SRPK2: variants seen among roughly 807,000 people sequenced by gnomAD.
The protein encoded by SRPK2 is SFRS protein kinase 2.
SRPK2 carries 21 observed loss-of-function variants against 90.8 expected under a neutral mutation model. That is an observed-to-expected ratio of 0.23 (90% CI 0.16 to 0.33). The LOEUF (loss-of-function observed/expected upper bound fraction) is 0.33. SRPK2 is among the 10% of genes least tolerant of loss of function. The pLI is 1.00. For synonymous variants in SRPK2, 288 were observed against 311.1 expected (o/e 0.93, Z 0.78); for missense variants, 620 against 869.0 (o/e 0.71, Z 3.60).
At chr7:105,119,807 A>G (rs1800067885) in intron 15 of SRPK2, among the ~76,000 whole-genome samples, 1 of 152,232 alleles carries the variant, frequency 6.6e-6, no homozygotes, top group Non-Finnish European at 1.5e-5. Context: ...ATTCATGCCT[A>G]ATATATGCTG....
chr7:105,376,159 A>C (rs1820271759), intron 2 of SRPK2, among the ~76,000 whole-genome samples: 1 of 151,234 alleles, frequency 6.6e-6, no homozygotes, highest in African/African-American at 2.4e-5. Context: ...CACACCCAGC[A>C]AATTTTTTGT....
chr7:105,385,212 G>A (rs1821416708), intron 2 of SRPK2, among the ~76,000 whole-genome samples: 2 of 108,946 alleles, frequency 1.8e-5, no homozygotes, highest in South Asian at 6.2e-4. Context: ...ATGGAGTCTC[G>A]CTCTGTCGCC....
intron 2 of SRPK2, among the ~76,000 whole-genome samples, chr7:105,251,029 G>A (rs1021701693): frequency 2.0e-5 from 3 of 152,126 alleles, no homozygotes; most frequent in African/African-American, 7.2e-5. Flanking sequence ...TGGCAGTGGA[G>A]GAATGAAATG....
chr7:105,291,103 A>G (rs955818078), intron 2 of SRPK2, among the ~76,000 whole-genome samples: 1 of 151,072 alleles, frequency 6.6e-6, no homozygotes, highest in African/African-American at 2.4e-5. Context: ...AAAAAATGGC[A>G]CATCCAAAGC....
chr7:105,244,560 C>G (rs1279237622), intron 2 of SRPK2: 5 of 576,742 alleles, frequency 8.7e-6, no homozygotes, highest in Non-Finnish European at 1.6e-5. Flanking sequence ...GGCGACAGAA[C>G]GAGACTCCGT....
chr7:105,171,920 C>T (rs1284607736), intron 3 of SRPK2, among the ~76,000 whole-genome samples: 1 of 151,818 alleles, frequency 6.6e-6, no homozygotes, highest in African/African-American at 2.4e-5. Flanking sequence ...TTTTTTGAGA[C>T]CGAGTTTCGC....
chr7:105,330,814 C>G (rs1046725535), intron 2 of SRPK2, among the ~76,000 whole-genome samples: 1 of 151,546 alleles, frequency 6.6e-6, no homozygotes, highest in African/African-American at 2.4e-5. Flanking sequence ...ACACCTGTCT[C>G]TATTTAAAAA....
chr7:105,291,262 G>A (rs1808977129), intron 2 of SRPK2, among the ~76,000 whole-genome samples: 1 of 152,186 alleles, frequency 6.6e-6, no homozygotes, highest in Non-Finnish European at 1.5e-5. Context: ...TCACTTTTAA[G>A]TAGGGCAGAA....
intron 2 of SRPK2, chr7:105,298,637 G>C (rs751801290): frequency 5.1e-5 from 40 of 787,946 alleles, no homozygotes; most frequent in Middle Eastern, 6.6e-4. Flanking sequence ...GCAAACAAAA[G>C]TATCAAATAA....
chr7:105,135,834 G>A (rs950697482), intron 11 of SRPK2, among the ~76,000 whole-genome samples: 5 of 150,322 alleles, frequency 3.3e-5, no homozygotes, highest in African/African-American at 7.4e-5. Context: ...GCGCGATCTC[G>A]GCTCACTGCA....
chr7:105,278,778 G>T (rs1806870762), intron 2 of SRPK2, among the ~76,000 whole-genome samples: 1 of 151,754 alleles, frequency 6.6e-6, no homozygotes, highest in African/African-American at 2.4e-5. Context: ...GGGGAAAGGA[G>T]AAAGGGGAAG....
At chr7:105,360,448 T>C (rs1055169765) in intron 2 of SRPK2, among the ~76,000 whole-genome samples, 3 of 152,246 alleles carry the variant, frequency 2.0e-5, no homozygotes, top group South Asian at 2.1e-4. Context: ...TGCCCATTAG[T>C]TGATGCAGTT....
At chr7:105,159,472 AAC>A (rs1554428515) in intron 7 of SRPK2, among the ~76,000 whole-genome samples, 2 of 149,632 alleles carry the variant, frequency 1.3e-5, no homozygotes, top group African/African-American at 4.9e-5. Flanking sequence ...AAAAAAAAAA[AAC>A]CGTACAAAAG....
intron 2 of SRPK2, among the ~76,000 whole-genome samples, chr7:105,385,292 C>A (rs899125550): frequency 4.3e-5 from 6 of 140,168 alleles, no homozygotes; most frequent in African/African-American, 1.6e-4. Flanking sequence ...GCCATTCTCT[C>A]GCCTCAGCCT....
chr7:105,299,057 C>CA (rs1303952730), intron 2 of SRPK2, among the ~76,000 whole-genome samples: 1 of 152,180 alleles, frequency 6.6e-6, no homozygotes, highest in African/African-American at 2.4e-5. Context: ...GCCATGTCTC[C>CA]AGAAGGGCTG....
Position 105,194,501 on chromosome 7 carries a change from CAT to C in SRPK2, c.229+9125_229+9126del, listed in dbSNP as rs140434002. Among the ~76,000 whole-genome samples the C allele has an allele frequency of 3.1e-3, 468 of 152,228 alleles. 14 individuals carry two copies. In the East Asian group the frequency reaches 0.062, roughly 20 times the overall value. On this transcript the variant is annotated intron_variant, in intron 3 of 15. Coordinates refer to ENST00000393651, the MANE Select transcript of SRPK2 (RefSeq NM_182692.3). The stretch of plus-strand genomic sequence containing the variant: ...CAAACACTAATAAATAAGCAAACAG[CAT>C]AGTTACAGGCCACGTGGTTGGTGCA...
chr7:105,143,654 T>G, intron 9 of SRPK2: 1 of 291,894 alleles, frequency 3.4e-6, no homozygotes, highest in Non-Finnish European at 6.5e-6. Flanking sequence ...AAGCTCCTCT[T>G]GCAAGTTTTA....
chr7:105,280,110 T>C (rs1208035278), intron 2 of SRPK2, among the ~76,000 whole-genome samples: 17 of 152,198 alleles, frequency 1.1e-4, no homozygotes, highest in East Asian at 1.9e-4. Context: ...TCACTGATAT[T>C]GGGATGTACA....
chr7:105,294,779 G>C (rs147488176), intron 2 of SRPK2, among the ~76,000 whole-genome samples: 21 of 152,152 alleles, frequency 1.4e-4, no homozygotes, highest in African/African-American at 5.1e-4. Context: ...GCCCACCTTG[G>C]CCTCCCAAAG....
Sources: gnomAD v4.1 joint callset for allele counts (sites outside exome capture counted in the v4.1 genomes callset) on GRCh38, gnomAD v4.1.1 for gene constraint, MANE v1.5 for transcripts, NCBI Gene and HGNC (gene_info 2026-07-23, HGNC 2026-07-21) for gene names.